MACROD2: variants seen among roughly 807,000 people sequenced by gnomAD.
MACROD2 encodes the protein ADP-ribose glycohydrolase MACROD2.
Under a neutral mutation model 70.4 loss-of-function variants are expected in MACROD2, and 36 were observed. The observed-to-expected ratio is 0.51, with a 90% CI of 0.39 to 0.68. The LOEUF (loss-of-function observed/expected upper bound fraction) is 0.68, where lower values mean the gene tolerates loss of function less well. Among genes scored for constraint, MACROD2 ranks in the 30% least tolerant of loss-of-function variants. MACROD2 has a pLI of 0.00. For missense variants in MACROD2, 496 were observed against 538.4 expected (o/e 0.92, Z 0.78); for synonymous variants, 172 against 178.8 (o/e 0.96, Z 0.30).
chr20:15,567,088 T>G (rs1411234007), intron 8 of MACROD2, among the ~76,000 whole-genome samples: 10 of 145,182 alleles, frequency 6.9e-5, no homozygotes, highest in Non-Finnish European at 1.5e-4. Context: ...CTGTTTTAAA[T>G]AACTATTGTG....
chr20:16,024,516 C>CACAG (rs2067050332), intron 15 of MACROD2, among the ~76,000 whole-genome samples: 2 of 142,876 alleles, frequency 1.4e-5, no homozygotes, highest in African/African-American at 5.1e-5. Context: ...CACACACAGA[C>CACAG]ACACACACAC....
At chr20:15,233,983 T>TTATATATATATATATATA (rs1312226727) in intron 6 of MACROD2, among the ~76,000 whole-genome samples, 30 of 43,998 alleles carry the variant, frequency 6.8e-4, no homozygotes, top group African/African-American at 1.5e-3. Context: ...ATATATTTAT[T>TTATATATATATATATATA]TATATATATA....
At position 15,252,110 on chromosome 20, in the gene MACROD2, G is replaced by T. The variant is rs190313221; in HGVS notation, c.540+22049G>T. Among the ~76,000 whole-genome samples, 556 of 152,274 alleles carry T rather than the reference G, an allele frequency of 3.7e-3. 1 individual carries two copies. Among genetic ancestry groups the T allele is most frequent in the South Asian group, 0.011 (53 of 4,828 alleles). On this transcript the variant is annotated intron_variant, in intron 6 of 17. Transcript: ENST00000684519. Reference sequence around the variant, plus strand: ...GCATGTGAACAAAGGGCTAAGGTAAGGATTATTGTATTGCATGTATTTCTG... The same window carrying T: ...GCATGTGAACAAAGGGCTAAGGTAATGATTATTGTATTGCATGTATTTCTG...
At chr20:15,026,519 T>C (rs1376232903) in intron 5 of MACROD2, among the ~76,000 whole-genome samples, 2 of 150,876 alleles carry the variant, frequency 1.3e-5, no homozygotes, top group Admixed American at 6.6e-5. Flanking sequence ...ATATATTTTT[T>C]ATTTATTTAT....
intron 7 of MACROD2, among the ~76,000 whole-genome samples, chr20:15,446,713 G>T (rs897310176): frequency 2.0e-5 from 3 of 152,166 alleles, no homozygotes; most frequent in Non-Finnish European, 4.4e-5. Context: ...TTAGCAAGCC[G>T]GAAAGATCTG....
chr20:15,212,441 C>T (rs943601755), intron 5 of MACROD2, among the ~76,000 whole-genome samples: 7 of 152,134 alleles, frequency 4.6e-5, no homozygotes, highest in South Asian at 4.2e-4. Flanking sequence ...CTTTTTTTGG[C>T]GCTTTGTTAT....
At chr20:15,004,166 A>G (rs79174986) in intron 5 of MACROD2, among the ~76,000 whole-genome samples, 10,666 of 152,256 alleles carry the variant, frequency 0.07, 705 homozygotes, top group African/African-American at 0.17. Context: ...GGCTGTCCTC[A>G]TGTCTATTAA....
chr20:14,026,199 G>C (rs779575045), intron 2 of MACROD2, among the ~76,000 whole-genome samples: 1 of 152,102 alleles, frequency 6.6e-6, no homozygotes, highest in East Asian at 1.9e-4. Flanking sequence ...CCATTTGCTC[G>C]TTAAATCTTC....
At chr20:14,978,651 A>G (rs1215452315) in intron 5 of MACROD2, among the ~76,000 whole-genome samples, 1 of 135,610 alleles carries the variant, frequency 7.4e-6, no homozygotes, top group Non-Finnish European at 1.6e-5. Context: ...TGAAAGGAAG[A>G]AGGAGGAGAC....
chr20:15,100,174 C>T (rs1233684581), intron 5 of MACROD2, among the ~76,000 whole-genome samples: 1 of 152,076 alleles, frequency 6.6e-6, no homozygotes, highest in Non-Finnish European at 1.5e-5. Flanking sequence ...TGGATTCAAG[C>T]AATCCTCCTG....
At chr20:14,524,024 A>T (rs1266728906) in intron 4 of MACROD2, among the ~76,000 whole-genome samples, 2 of 152,212 alleles carry the variant, frequency 1.3e-5, no homozygotes, top group Non-Finnish European at 2.9e-5. Context: ...TGAACTCTAA[A>T]ATGTCCTCAG....
chr20:14,713,418 A>T (rs1221261430), intron 5 of MACROD2, among the ~76,000 whole-genome samples: 3 of 152,160 alleles, frequency 2.0e-5, no homozygotes, highest in Non-Finnish European at 4.4e-5. Context: ...ATCACTCCAG[A>T]GTCTCTTTTT....
chr20:14,634,862 T>G (rs1223059287), intron 4 of MACROD2, among the ~76,000 whole-genome samples: 2 of 152,214 alleles, frequency 1.3e-5, no homozygotes, highest in African/African-American at 2.4e-5. Context: ...AGGGCATAAT[T>G]CTTGCAAGGG....
At chr20:15,075,283 G>A (rs986070089) in intron 5 of MACROD2, among the ~76,000 whole-genome samples, 1 of 146,228 alleles carries the variant, frequency 6.8e-6, no homozygotes, top group Non-Finnish European at 1.6e-5. Context: ...TTGATGTAAT[G>A]GAAAATAAAA....
intron 5 of MACROD2, among the ~76,000 whole-genome samples, chr20:14,756,294 A>C (rs1485087589): frequency 1.3e-5 from 2 of 152,028 alleles, no homozygotes; most frequent in African/African-American, 4.8e-5. Context: ...GTCTGAGCTT[A>C]ATCATGTCCC....
Position 14,272,518 on chromosome 20 carries a change from C to T in MACROD2, c.271+186790C>T, listed in dbSNP as rs563574212. On this transcript the variant is annotated intron_variant, in intron 3 of 17. Coordinates refer to ENST00000684519, the MANE Select transcript of MACROD2 (RefSeq NM_001351661.2). ...AGCACTAAACATGGAAAGGAACAAC[C>T]GGTACCAGCCACTGCAAAAACATGC... Among the ~76,000 whole-genome samples, 983 of 151,860 alleles carry T rather than the reference C, an allele frequency of 6.5e-3. 3 individuals are homozygous for T. The highest frequency in any genetic ancestry group is 0.014 in the Admixed American group (210 of 15,276).
intron 3 of MACROD2, among the ~76,000 whole-genome samples, chr20:14,425,299 C>G (rs757496604): frequency 4.6e-5 from 7 of 152,162 alleles, no homozygotes; most frequent in Admixed American, 3.3e-4. Flanking sequence ...TCTTCTTTCT[C>G]TCCTCTCTCC....
intron 6 of MACROD2, among the ~76,000 whole-genome samples, chr20:15,277,702 A>G (rs1190315931): frequency 6.6e-6 from 1 of 152,160 alleles, no homozygotes; most frequent in African/African-American, 2.4e-5. Context: ...CTAGTATAAT[A>G]TGATTGAATA....
At chr20:14,159,448 T>A (rs1753645328) in intron 3 of MACROD2, among the ~76,000 whole-genome samples, 1 of 152,152 alleles carries the variant, frequency 6.6e-6, no homozygotes, top group Non-Finnish European at 1.5e-5. Context: ...TTTCACTTTC[T>A]TGGTTAAATT....
Sources: allele counts gnomAD v4.1 joint callset (sites outside exome capture counted in the v4.1 genomes callset), GRCh38; gene constraint gnomAD v4.1.1; transcripts MANE v1.5; gene names NCBI Gene and HGNC (gene_info 2026-07-23, HGNC 2026-07-21).